The following TRPC7 variants were observed in gnomAD, a reference collection of about 807,000 sequenced individuals.
TRPC7 encodes the protein short transient receptor potential channel 7.
Under a neutral mutation model 90.1 loss-of-function variants are expected in TRPC7, and 42 were observed. The observed-to-expected ratio is 0.47, with a 90% CI of 0.36 to 0.60. TRPC7 has a LOEUF of 0.60. TRPC7 is among the 20% of genes least tolerant of loss of function. The probability of loss-of-function intolerance (pLI) is 0.00; values close to 1 mark genes in which losing one functional copy is unlikely to be tolerated. For synonymous variants in TRPC7, 451 were observed against 436.3 expected, an observed-to-expected ratio of 1.03 and a Z score of -0.42; for missense variants, 955 against 1,112.3, an observed-to-expected ratio of 0.86 and a Z score of 2.01.
At chr5:136,334,216 G>A (rs1759583062) in intron 2 of TRPC7, among the ~76,000 whole-genome samples, 1 of 151,946 alleles carries the variant, frequency 6.6e-6, no homozygotes, top group Non-Finnish European at 1.5e-5. Context: ...TGACTCATCT[G>A]ATTATGGATT....
At chr5:136,344,420 C>A (rs1252010267) in intron 2 of TRPC7, among the ~76,000 whole-genome samples, 1 of 152,060 alleles carries the variant, frequency 6.6e-6, no homozygotes, top group East Asian at 1.9e-4. Context: ...CACATGTATC[C>A]CTGAACCTAA....
chr5:136,261,734 TG>T lies in TRPC7; in HGVS notation c.1345+4485del, dbSNP rs1227461989. 3.3e-5 allele frequency among the ~76,000 whole-genome samples: 5 copies of T among 152,266 alleles called. No homozygotes were observed. The East Asian group carries it at 7.7e-4, about 23-fold the overall frequency. On this transcript the variant is annotated intron_variant, in intron 5 of 11. Coordinates refer to ENST00000513104, the MANE Select transcript of TRPC7 (RefSeq NM_020389.3). Reference sequence around the variant, plus strand: ...CTCTGGGGCTTGGTCCTCAGTTCTCTGCCCACATTCATAGTTACAATGATGT... The same window carrying T: ...CTCTGGGGCTTGGTCCTCAGTTCTCTCCCACATTCATAGTTACAATGATGT...
chr5:136,341,026 A>G (rs1438503649), intron 2 of TRPC7, among the ~76,000 whole-genome samples: 1 of 152,172 alleles, frequency 6.6e-6, no homozygotes, highest in Non-Finnish European at 1.5e-5. Context: ...TGTCAGTGAA[A>G]TTTATGATTT....
chr5:136,319,135 T>C (rs989401066), intron 2 of TRPC7, among the ~76,000 whole-genome samples: 2 of 152,204 alleles, frequency 1.3e-5, no homozygotes, highest in Admixed American at 1.3e-4. Flanking sequence ...ATTTCATATA[T>C]TCTTCTTTCC....
chr5:136,231,713 T>C (rs1484564010), intron 7 of TRPC7, among the ~76,000 whole-genome samples, 164 bp from the exon 8 acceptor site: 2 of 152,180 alleles, frequency 1.3e-5, no homozygotes. Flanking sequence ...CAAGCAATTC[T>C]CCTGCCTTAG....
In TRPC7 at chr5:136,241,736, A is replaced by C. The variant is rs141235936; in HGVS notation, c.1844+5735T>G. 5.0e-3 allele frequency among the ~76,000 whole-genome samples: 757 copies of C among 152,110 alleles called. 4 individuals are homozygous for C. Among genetic ancestry groups the C allele is most frequent in the African/African-American group, 0.017 (700 of 41,500 alleles). On this transcript the variant is annotated intron_variant, in intron 7 of 11. Transcript: ENST00000513104. ...ACGCCCAGCTAATTTTTGTACTTTT[A>C]GTAAAGATGTGGTTTTGCCATGTTG...
At chr5:136,349,449 CAGAG>C (rs1261843079) in intron 2 of TRPC7, among the ~76,000 whole-genome samples, 1 of 152,172 alleles carries the variant, frequency 6.6e-6, no homozygotes, top group African/African-American at 2.4e-5. Flanking sequence ...TGCTGAGAAA[CAGAG>C]AGATCTTCAT....
intron 3 of TRPC7, among the ~76,000 whole-genome samples, chr5:136,293,995 C>T (rs183216995): frequency 6.6e-6 from 1 of 152,134 alleles, no homozygotes; most frequent in Non-Finnish European, 1.5e-5. Context: ...TGCATATCTA[C>T]AACTATCTGA....
chr5:136,270,717 G>A (rs1757182673), intron 4 of TRPC7, among the ~76,000 whole-genome samples: 1 of 152,198 alleles, frequency 6.6e-6, no homozygotes, highest in Admixed American at 6.5e-5. Context: ...GAGAGATGGG[G>A]AGAAATGTTG....
intron 3 of TRPC7, among the ~76,000 whole-genome samples, chr5:136,281,637 C>A (rs963245490): frequency 1.3e-5 from 2 of 152,150 alleles, no homozygotes; most frequent in African/African-American, 4.8e-5. Flanking sequence ...CATGCACAGG[C>A]TCTGGGTCAG....
At chr5:136,320,074 T>C (rs1759142417) in intron 2 of TRPC7, among the ~76,000 whole-genome samples, 1 of 152,046 alleles carries the variant, frequency 6.6e-6, no homozygotes, top group African/African-American at 2.4e-5. Flanking sequence ...GGATGTCTAA[T>C]AGGCATTTTG....
At chr5:136,291,695 A>G (rs1201813190) in intron 3 of TRPC7, among the ~76,000 whole-genome samples, 1 of 152,212 alleles carries the variant, frequency 6.6e-6, no homozygotes. Context: ...TAACAATGGG[A>G]GACTTTAACA....
chr5:136,251,945 G>A lies in TRPC7; in HGVS notation c.1346-63C>T. On this transcript the variant is annotated intron_variant, in intron 5 of 11. Coordinates refer to ENST00000513104, the MANE Select transcript of TRPC7 (RefSeq NM_020389.3). The stretch of plus-strand genomic sequence containing the variant: ...TCTCTTGGCATTTGTGACCGCATGA[G>A]GTCATGGAGGGAACCAGAGTACAAA... 3.1e-6 allele frequency: 4 copies of A among 1,294,492 alleles called. No homozygotes were observed. In the Admixed American group the frequency reaches 5.2e-5, roughly 17 times the overall value. 80.2% of individuals were successfully genotyped at this position (1,294,492 alleles called of 1,614,324 possible). A position where few individuals can be genotyped will look rare whatever the true frequency, so the allele number is the denominator to read the frequency against.
At chr5:136,271,086 T>C (rs894397759) in intron 4 of TRPC7, among the ~76,000 whole-genome samples, 1 of 152,266 alleles carries the variant, frequency 6.6e-6, no homozygotes, top group Non-Finnish European at 1.5e-5. Flanking sequence ...CAGAGATCTT[T>C]CAAAGCTGCC....
At chr5:136,213,915 G>T (rs1290250825) in intron 11 of TRPC7, 3 of 305,310 alleles carry the variant, frequency 9.8e-6, no homozygotes, top group Middle Eastern at 9.6e-4. Context: ...TAAAATACTT[G>T]TTAGAAAGTT....
chr5:136,323,004 T>C (rs1044445556), intron 2 of TRPC7, among the ~76,000 whole-genome samples: 2 of 152,228 alleles, frequency 1.3e-5, no homozygotes, highest in Non-Finnish European at 2.9e-5. Flanking sequence ...TTTGGCTGTG[T>C]CCCCACCCAA....
At chr5:136,228,027 A>G (rs1173953987) in intron 8 of TRPC7, among the ~76,000 whole-genome samples, 1 of 152,044 alleles carries the variant, frequency 6.6e-6, no homozygotes, top group Non-Finnish European at 1.5e-5. Context: ...GGCCCTGGGC[A>G]TGACGATCCA....
At chr5:136,251,462 G>C (rs145448600) in intron 6 of TRPC7, among the ~76,000 whole-genome samples, 187 bp downstream of exon 6, 93 of 152,280 alleles carry the variant, frequency 6.1e-4, no homozygotes, top group African/African-American at 1.9e-3. Flanking sequence ...ACACTTCCAG[G>C]ACCAAGGGTT....
intron 3 of TRPC7, among the ~76,000 whole-genome samples, chr5:136,283,892 TCTC>T (rs1190301312): frequency 1.3e-5 from 2 of 152,138 alleles, no homozygotes; most frequent in African/African-American, 4.8e-5. Context: ...GGACATCTAC[TCTC>T]CTCCAACAAA....
Sources: gnomAD v4.1 joint callset for allele counts (sites outside exome capture counted in the v4.1 genomes callset) on GRCh38, gnomAD v4.1.1 for gene constraint, MANE v1.5 for transcripts, NCBI Gene and HGNC (gene_info 2026-07-23, HGNC 2026-07-21) for gene names.